The following MPDZ variants were observed in gnomAD, a reference collection of about 807,000 sequenced individuals.
MPDZ encodes the protein multiple PDZ domain crumbs cell polarity complex component, also known as multiple PDZ domain protein.
MPDZ carries 234 observed loss-of-function variants against 239.1 expected under a neutral mutation model. That is an observed-to-expected ratio of 0.98 (90% CI 0.88 to 1.09). The LOEUF is 1.09. MPDZ is among the 50% of genes least tolerant of loss of function. The pLI is 0.00. For synonymous variants in MPDZ, 1,048 were observed against 881.3 expected (o/e 1.19, Z -3.35); for missense variants, 3,175 against 2,510.0 (o/e 1.26, Z -5.66).
chr9:13,207,493 T>A (rs1450789712), intron 10 of MPDZ, among the ~76,000 whole-genome samples: 3 of 152,218 alleles, frequency 2.0e-5, no homozygotes, highest in Non-Finnish European at 4.4e-5. Context: ...CAAGTCCTGT[T>A]ACCTCAGCCT....
intron 10 of MPDZ, among the ~76,000 whole-genome samples, chr9:13,216,012 C>T (rs1054492137): frequency 6.8e-6 from 1 of 147,480 alleles, no homozygotes; most frequent in African/African-American, 2.5e-5. Flanking sequence ...GCATGAGCCA[C>T]CAGCTCAGTG....
At chr9:13,214,169 C>T (rs1026430848) in intron 10 of MPDZ, among the ~76,000 whole-genome samples, 5 of 151,882 alleles carry the variant, frequency 3.3e-5, no homozygotes, top group African/African-American at 1.2e-4. Context: ...AGAAACAACC[C>T]GAATGTCCAT....
In MPDZ at chr9:13,205,022, C is replaced by T. The variant is rs1011231257; in HGVS notation, c.1546+14G>A. On this transcript the variant is annotated intron_variant, in intron 12 of 46. Transcript: ENST00000319217. ...AATAATGAAGTACACAATAAGCTGGCGCTAGGTGTTTACCTTCTTCTTCAG... is the reference window on the plus strand; with the variant it reads ...AATAATGAAGTACACAATAAGCTGGTGCTAGGTGTTTACCTTCTTCTTCAG... 5.6e-6 allele frequency: 8 copies of T among 1,416,372 alleles called. No homozygotes were observed. The African/African-American group carries it at 7.5e-5, about 13-fold the overall frequency. 87.7% of individuals were successfully genotyped at this position (1,416,372 alleles called of 1,614,324 possible).
chr9:13,247,754 G>A lies in MPDZ; in HGVS notation c.64C>T (p.Arg22Ter), dbSNP rs763968231. 5 of 1,612,504 alleles carry A rather than the reference G, an allele frequency of 3.1e-6. No individual in the cohort carries two copies. Among genetic ancestry groups the A allele is most frequent in the East Asian group, 2.2e-5 (1 of 44,846 alleles). ...HAAERLQTKLRERGDVANEDK... is the reference protein window; with the variant it reads ...HAAERLQTKL ...TCATTTGCTACATCCCCACGTTCTC[G>A]CAGCTTGGTTTGCAAGCGCTCTGCT... The change falls in exon 3 of 47, where the codon CGA (arginine) becomes TGA (stop). Residue 22 changes from arginine to a stop codon, truncating the protein, a stop_gained. Transcript: ENST00000319217. LOFTEE classifies it high-confidence loss of function.
At chr9:13,235,044 G>A (rs1309887455) in intron 3 of MPDZ, among the ~76,000 whole-genome samples, 1 of 152,058 alleles carries the variant, frequency 6.6e-6, no homozygotes, top group Non-Finnish European at 1.5e-5. Flanking sequence ...TGCAAGTTTG[G>A]AACCTAGAGA....
rs922703465 is a variant in MPDZ at position 13,188,918 on chromosome 9, G to A, written c.2230C>T (p.Arg744Ter). The A allele has an allele frequency of 7.4e-6, 12 of 1,613,414 alleles. No homozygotes were observed. The highest frequency in any genetic ancestry group is 1.0e-5 in the Non-Finnish European group (12 of 1,179,552). The change falls in exon 17 of 47, where the codon CGA (arginine) becomes TGA (stop). Residue 744 changes from arginine to a stop codon, truncating the protein, a stop_gained. Transcript: ENST00000319217. LOFTEE classifies it high-confidence loss of function. Reference protein sequence around the residue: ...VPGGIAEKDGRLLPGDRLMFV... With the variant: ...VPGGIAEKDG Reference sequence around the variant, plus strand: ...ATGAGTCGGTCACCAGGAAGAAGTCGTCCATCCTTTTCAGCAATGCCGCCA... The same window carrying A: ...ATGAGTCGGTCACCAGGAAGAAGTCATCCATCCTTTTCAGCAATGCCGCCA...
rs1563931114 is a variant in MPDZ, at chr9:13,160,862, AT to A, written c.3359+1828del. Among the ~76,000 whole-genome samples, 7 of 125,402 alleles carry A rather than the reference AT, an allele frequency of 5.6e-5. 1 individual carries two copies. Among genetic ancestry groups the A allele is most frequent in the African/African-American group, 1.8e-4 (6 of 33,630 alleles). The allele number at this position is 125,402 out of a possible 152,430, so 82.3% of individuals were successfully genotyped here. ...TATATATATATATATATATATATATATATATATAAAACAGGTACTTACATAG... is the reference window on the plus strand; with the variant it reads ...TATATATATATATATATATATATATAATATATAAAACAGGTACTTACATAG... On this transcript the variant is annotated intron_variant, in intron 23 of 46. Transcript: ENST00000319217.
At chr9:13,199,761 T>C (rs895145948) in intron 12 of MPDZ, among the ~76,000 whole-genome samples, 4 of 152,106 alleles carry the variant, frequency 2.6e-5, no homozygotes, top group Non-Finnish European at 4.4e-5. Context: ...ATGTATCCCA[T>C]TTACTGATTG....
intron 1 of MPDZ, among the ~76,000 whole-genome samples, chr9:13,259,720 T>C (rs144927973): frequency 8.5e-5 from 13 of 152,142 alleles, no homozygotes; most frequent in African/African-American, 2.7e-4. Context: ...GTTTCTTATA[T>C]AGTAACCTGG....
At chr9:13,239,776 A>C (rs1279504570) in intron 3 of MPDZ, among the ~76,000 whole-genome samples, 1 of 152,158 alleles carries the variant, frequency 6.6e-6, no homozygotes, top group Admixed American at 6.5e-5. Flanking sequence ...ATGGATGTCA[A>C]GCAAACCTGA....
chr9:13,218,547 C>G (rs530414858), intron 8 of MPDZ, among the ~76,000 whole-genome samples: 1 of 151,966 alleles, frequency 6.6e-6, no homozygotes, highest in South Asian at 2.1e-4. Flanking sequence ...ACTTCTTTCT[C>G]TTTGCAAAAA....
At chr9:13,244,623 C>T (rs1240422059) in intron 3 of MPDZ, among the ~76,000 whole-genome samples, 2 of 152,150 alleles carry the variant, frequency 1.3e-5, no homozygotes, top group Non-Finnish European at 2.9e-5. Context: ...AATAGCACAT[C>T]CCTTCAGGGC....
chr9:13,197,679 T>C (rs1199350406), intron 12 of MPDZ, among the ~76,000 whole-genome samples: 1 of 152,132 alleles, frequency 6.6e-6, no homozygotes, highest in Non-Finnish European at 1.5e-5. Flanking sequence ...CCTACTGTGC[T>C]GTTGAACACT....
intron 10 of MPDZ, among the ~76,000 whole-genome samples, chr9:13,211,118 A>C (rs1282996032): frequency 6.6e-6 from 1 of 152,134 alleles, no homozygotes; most frequent in Non-Finnish European, 1.5e-5. Flanking sequence ...GGTTCATTTG[A>C]AATTAGACTA....
At chr9:13,179,114 G>T (rs978987163) in intron 19 of MPDZ, among the ~76,000 whole-genome samples, 2 of 152,024 alleles carry the variant, frequency 1.3e-5, no homozygotes, top group Non-Finnish European at 2.9e-5. Flanking sequence ...CTAGTACAAA[G>T]AATTGAGGCA....
chr9:13,265,421 T>C (rs1291336592), intron 1 of MPDZ, among the ~76,000 whole-genome samples: 5 of 152,060 alleles, frequency 3.3e-5, no homozygotes, highest in Non-Finnish European at 5.9e-5. Flanking sequence ...AATACAAAAT[T>C]AGCCAGGTGT....
rs76998895 is a variant in MPDZ, at chr9:13,171,684, T to C, written c.3056-3120A>G. Among the ~76,000 whole-genome samples, 1,469 of 152,292 alleles carry C rather than the reference T, an allele frequency of 9.6e-3. 31 individuals carry two copies. Among genetic ancestry groups the C allele is most frequent in the African/African-American group, 0.033 (1,392 of 41,564 alleles). ...ATTAATGTATCTGTATTTCTGTATATATTTTCACTCTAAATTTAACAAAAT... is the reference window on the plus strand; with the variant it reads ...ATTAATGTATCTGTATTTCTGTATACATTTTCACTCTAAATTTAACAAAAT... On this transcript the variant is annotated intron_variant, in intron 21 of 46. Transcript: ENST00000319217.
intron 19 of MPDZ, among the ~76,000 whole-genome samples, chr9:13,180,648 G>C (rs946460510): frequency 6.6e-6 from 1 of 152,062 alleles, no homozygotes; most frequent in Admixed American, 6.6e-5. Context: ...GAGGTAACAA[G>C]GGAAAAGGAG....
chr9:13,248,625 T>C (rs1198245082), intron 2 of MPDZ, among the ~76,000 whole-genome samples: 1 of 151,930 alleles, frequency 6.6e-6, no homozygotes, highest in African/African-American at 2.4e-5. Flanking sequence ...TTCATGATGG[T>C]AACAAGTATA....
Sources: gnomAD v4.1 joint callset for allele counts (sites outside exome capture counted in the v4.1 genomes callset) on GRCh38, gnomAD v4.1.1 for gene constraint, MANE v1.5 for transcripts, NCBI Gene and HGNC (gene_info 2026-07-23, HGNC 2026-07-21) for gene names.